SHANK2: variants seen among roughly 807,000 people sequenced by gnomAD.
SHANK2 encodes SH3 and multiple ankyrin repeat domains protein 2.
A neutral mutation model predicts 133.7 loss-of-function variants in SHANK2; 43 were observed. That is an observed-to-expected ratio of 0.32 (90% CI 0.25 to 0.41). The LOEUF is 0.41. SHANK2 is among the 10% of genes least tolerant of loss of function. The pLI is 1.00. For synonymous variants in SHANK2, 1,017 were observed against 952.8 expected (o/e 1.07, Z -1.24); for missense variants, 1,994 against 2,235.8 (o/e 0.89, Z 2.18).
intron 14 of SHANK2, among the ~76,000 whole-genome samples, chr11:70,742,743 C>A (rs1946555468): frequency 6.6e-6 from 1 of 152,222 alleles, no homozygotes; most frequent in Admixed American, 6.5e-5. Context: ...GGCAGCGTGG[C>A]TGACTGGCTG....
At chr11:70,566,444 C>T (rs782725910) in intron 17 of SHANK2, 6 of 152,206 alleles carry the variant, frequency 3.9e-5, no homozygotes, top group Non-Finnish European at 5.9e-5. Context: ...ACTGCACCCT[C>T]GCAGGACAGG....
chr11:70,813,810 G>GA (rs1948328518), intron 12 of SHANK2, among the ~76,000 whole-genome samples: 1 of 152,184 alleles, frequency 6.6e-6, no homozygotes, highest in African/African-American at 2.4e-5. Context: ...CCAGGACTGT[G>GA]AAAGTCAGCC....
intron 11 of SHANK2, among the ~76,000 whole-genome samples, chr11:70,828,964 C>T (rs1401513947): frequency 6.6e-6 from 1 of 152,258 alleles, no homozygotes; most frequent in Non-Finnish European, 1.5e-5. Flanking sequence ...CCTCTGCGGC[C>T]TGCCATGGTG....
chr11:70,554,036 C>T (rs536832719), intron 17 of SHANK2, among the ~76,000 whole-genome samples: 53 of 152,348 alleles, frequency 3.5e-4, no homozygotes, highest in Admixed American at 5.2e-4. Flanking sequence ...GGACTGGCTG[C>T]AGGAAGTCCC....
chr11:71,164,185 G>A (rs193207080), intron 2 of SHANK2, among the ~76,000 whole-genome samples: 89 of 152,280 alleles, frequency 5.8e-4, no homozygotes, highest in African/African-American at 2.1e-3. Context: ...GAGGGGTGTG[G>A]CAGTCAAGAC....
At chr11:70,904,892 C>T (rs530453717) in intron 10 of SHANK2, among the ~76,000 whole-genome samples, 1 of 152,292 alleles carries the variant, frequency 6.6e-6, no homozygotes, top group Admixed American at 6.5e-5. Flanking sequence ...CTTGCCCCTC[C>T]TTGCCTTCCA....
At position 70,529,270 on chromosome 11, in the gene SHANK2, A is replaced by T. The variant is rs1469841950; in HGVS notation, c.2062-26339T>A. ...CAGAATCTCACCCAGTCCTCCCAGC[A>T]GCCCTGTCAGCAGCCACTACTGCAT... On this transcript the variant is annotated intron_variant, in intron 17 of 25. Coordinates refer to ENST00000601538, the MANE Select transcript of SHANK2 (RefSeq NM_012309.5). Among the ~76,000 whole-genome samples, 9 of 152,228 alleles carry T rather than the reference A, an allele frequency of 5.9e-5. No homozygotes were observed. In the East Asian group the frequency reaches 1.7e-3, roughly 29 times the overall value.
chr11:71,123,810 A>G (rs1555101999), intron 3 of SHANK2, among the ~76,000 whole-genome samples: 1 of 152,008 alleles, frequency 6.6e-6, no homozygotes, highest in Non-Finnish European at 1.5e-5. Flanking sequence ...ACCCTGGCCA[A>G]CTCCTCTAAA....
At chr11:71,086,514 A>G (rs1951421679) in intron 8 of SHANK2, among the ~76,000 whole-genome samples, 1 of 140,644 alleles carries the variant, frequency 7.1e-6, no homozygotes, top group Non-Finnish European at 1.5e-5. Flanking sequence ...TTTATTATAT[A>G]TAATATATAA....
At chr11:70,550,642 G>A (rs1022669980) in intron 17 of SHANK2, among the ~76,000 whole-genome samples, 7 of 152,210 alleles carry the variant, frequency 4.6e-5, no homozygotes, top group Non-Finnish European at 1.0e-4. Flanking sequence ...GGTGGGCTAA[G>A]AACTGAGCGA....
intron 6 of SHANK2, among the ~76,000 whole-genome samples, chr11:71,105,590 TAAAAAAAAAAAA>T (rs60654256): frequency 3.8e-5 from 3 of 77,946 alleles, no homozygotes; most frequent in African/African-American, 1.6e-4. Flanking sequence ...AGACTCAGTC[TAAAAAAAAAAAA>T]AAAAAAAAAA....
intron 15 of SHANK2, among the ~76,000 whole-genome samples, chr11:70,674,627 G>A (rs925980498): frequency 6.6e-6 from 1 of 152,258 alleles, no homozygotes; most frequent in Non-Finnish European, 1.5e-5. Flanking sequence ...GGGATTAGAG[G>A]CGTGAGCCAC....
chr11:70,878,037 C>T (rs1555071692), intron 11 of SHANK2, among the ~76,000 whole-genome samples: 1 of 152,200 alleles, frequency 6.6e-6, no homozygotes, highest in South Asian at 2.1e-4. Context: ...GGAGAGTCAG[C>T]GGTTCTGAGA....
intron 17 of SHANK2, among the ~76,000 whole-genome samples, chr11:70,552,332 G>A (rs1554978330): frequency 6.6e-6 from 1 of 152,194 alleles, no homozygotes; most frequent in Non-Finnish European, 1.5e-5. Context: ...GCCTCGGGAG[G>A]TTGGGACTCC....
In SHANK2 at chr11:70,807,108, C is replaced by A; in HGVS notation, c.1557G>T (p.Lys519Asn). ...CGGGCACGGCACTGTAGAGCTTCCG[C>A]TTGGGCCCCGGGTACTCGAAGGCCG... ...SLSAFEYPGP[K>N]RKLYSAVPGR... The change falls in exon 13 of 26, where the codon AAG (lysine) becomes AAT (asparagine). Residue 519 changes from lysine to asparagine, a missense_variant. Around this residue, in one of 5 missense-constraint regions of SHANK2, gnomAD observed 653 missense variants for 563.4 expected, o/e 1.16. Transcript: ENST00000601538. The surrounding 1 kb of genome is among the most constrained non-coding windows in gnomAD (Gnocchi z 4.8). The A allele has an allele frequency of 1.4e-6, 1 of 717,738 alleles. No homozygotes were observed. The highest frequency in any genetic ancestry group is 2.7e-5 in the East Asian group (1 of 37,194). The allele number at this position is 717,738 out of a possible 1,614,324, so 44.5% of individuals were successfully genotyped here.
At chr11:70,929,232 G>A (rs1358072426) in intron 10 of SHANK2, among the ~76,000 whole-genome samples, 3 of 152,204 alleles carry the variant, frequency 2.0e-5, no homozygotes, top group Non-Finnish European at 4.4e-5. Context: ...ACAGGATGCC[G>A]AGGTTTAAAT....
At chr11:71,171,432 GCCC>G (rs781840777) in intron 2 of SHANK2, among the ~76,000 whole-genome samples, 10 of 152,172 alleles carry the variant, frequency 6.6e-5, no homozygotes, top group Admixed American at 1.3e-4. Context: ...AGCTTAAAAT[GCCC>G]CCAAGTGAAA....
intron 11 of SHANK2, among the ~76,000 whole-genome samples, chr11:70,872,767 T>G (rs1949490750): frequency 6.6e-6 from 1 of 152,084 alleles, no homozygotes. Context: ...AACTGATGGG[T>G]GGCAATTTTC....
chr11:70,702,431 C>T (rs1945556898), intron 14 of SHANK2, among the ~76,000 whole-genome samples: 1 of 151,950 alleles, frequency 6.6e-6, no homozygotes, highest in Non-Finnish European at 1.5e-5. Context: ...TCACCACCAT[C>T]ACCACCAACA....
Sources: gnomAD v4.1 joint callset for allele counts (sites outside exome capture counted in the v4.1 genomes callset) on GRCh38, gnomAD v4.1.1 for gene constraint, gnomAD v4.1.1 regional missense constraint, Gnocchi (gnomAD v3.1) non-coding constraint, MANE v1.5 for transcripts, NCBI Gene and HGNC (gene_info 2026-07-23, HGNC 2026-07-21) for gene names.